The following CPN1 variants were observed in gnomAD, a reference collection of about 807,000 sequenced individuals.
CPN1 encodes carboxypeptidase N catalytic chain.
Under a neutral mutation model 46.4 loss-of-function variants are expected in CPN1, and 37 were observed. The ratio of observed to expected loss-of-function variants is 0.80; its 90% confidence interval spans 0.61 to 1.05. The LOEUF is 1.05. CPN1 is among the 50% of genes least tolerant of loss of function. The pLI is 0.00. For synonymous variants in CPN1, 224 were observed against 235.4 expected (o/e 0.95, Z 0.44); for missense variants, 563 against 602.6 (o/e 0.93, Z 0.69).
chr10:100,056,324 C>G (rs2041384153), intron 6 of CPN1, among the ~76,000 whole-genome samples: 1 of 152,006 alleles, frequency 6.6e-6, no homozygotes, highest in African/African-American at 2.4e-5. Context: ...CCTTTTGTCC[C>G]CTAGATATCT....
At position 100,069,806 on chromosome 10, in the gene CPN1, T is replaced by G; in HGVS notation, c.484A>C (p.Asn162His). 1.9e-6 allele frequency: 3 copies of G among 1,613,946 alleles called. No individual in the cohort carries two copies. The highest frequency in any genetic ancestry group is 2.5e-6 in the Non-Finnish European group (3 of 1,180,008). Reference sequence around the variant, plus strand: ...ATATAGGTATTGAGATCAGGGAAGTTGCGGTTCAGGTCCACTCCATTTGCA... The same window carrying G: ...ATATAGGTATTGAGATCAGGGAAGTGGCGGTTCAGGTCCACTCCATTTGCA... ...NNANGVDLNR[N>H]FPDLNTYIYY... Residue 162 changes from asparagine (N) to histidine (H), a missense_variant, in exon 3 of 9, where the codon AAC becomes CAC. Physicochemically the swap from Asn to His is moderately conservative, Grantham distance 68. Transcript: ENST00000370418.
At chr10:100,052,110 A>T (rs879687074) in intron 7 of CPN1, among the ~76,000 whole-genome samples, 14 of 144,436 alleles carry the variant, frequency 9.7e-5, no homozygotes, top group Non-Finnish European at 2.0e-4. Flanking sequence ...TCACTCTGTC[A>T]CCCAGGCTGG....
chr10:100,048,984 G>A lies in CPN1; in HGVS notation c.1112-108C>T, dbSNP rs1589470309. The stretch of plus-strand genomic sequence containing the variant: ...TGGCTTTTCTTTTTTTTTGAGACGG[G>A]GTCTTGCTCTGTCACCCAGGCTGGA... On this transcript the variant is annotated intron_variant, in intron 7 of 8. Coordinates refer to ENST00000370418, the MANE Select transcript of CPN1 (RefSeq NM_001308.3). 3.7e-6 allele frequency: 3 copies of A among 810,162 alleles called. No homozygotes were observed. In the African/African-American group the frequency reaches 5.1e-5, roughly 14 times the overall value. 50.2% of individuals were successfully genotyped at this position (810,162 alleles called of 1,614,324 possible).
At chr10:100,052,902 C>A (rs1331134220) in intron 7 of CPN1, among the ~76,000 whole-genome samples, 5 of 151,904 alleles carry the variant, frequency 3.3e-5, no homozygotes, top group Non-Finnish European at 5.9e-5. Flanking sequence ...GAGGCTGAGG[C>A]AGAAGAATTG....
chr10:100,071,069 G>A (rs551517448), intron 2 of CPN1, among the ~76,000 whole-genome samples: 7 of 152,236 alleles, frequency 4.6e-5, no homozygotes, highest in African/African-American at 1.7e-4. Context: ...CCCACACTGG[G>A]CATAATGTTT....
chr10:100,070,458 G>A (rs1165165598), intron 2 of CPN1, among the ~76,000 whole-genome samples: 1 of 152,022 alleles, frequency 6.6e-6, no homozygotes, highest in African/African-American at 2.4e-5. Flanking sequence ...CTACAGCCTG[G>A]GTGACAGAGC....
Position 100,042,586 on chromosome 10 carries a change from AAGC to A in CPN1, c.1231-16_1231-14del, listed in dbSNP as rs2041281800. On this transcript the variant is annotated splice_polypyrimidine_tract_variant and intron_variant, in intron 8 of 8. Transcript: ENST00000370418. ...GGTGGAAGTTAACCTGGAAGAAAAA[AAGC>A]AGGAGCTACGAGATCCGTTTGGACC... 6.2e-7 allele frequency: 1 copy of A among 1,613,756 alleles called. No homozygotes were observed. The highest frequency in any genetic ancestry group is 1.3e-5 in the African/African-American group (1 of 74,856).
chr10:100,049,215 T>G (rs996652881), intron 7 of CPN1, among the ~76,000 whole-genome samples: 5 of 151,292 alleles, frequency 3.3e-5, no homozygotes, highest in Admixed American at 3.3e-4. Flanking sequence ...CGCCTCAGCC[T>G]CCCAGTGCTG....
chr10:100,070,421 G>C (rs1393290677), intron 2 of CPN1, among the ~76,000 whole-genome samples: 1 of 152,110 alleles, frequency 6.6e-6, no homozygotes, highest in Non-Finnish European at 1.5e-5. Flanking sequence ...AAGTGAGGTT[G>C]CAATGGGCCA....
At chr10:100,078,488 C>T (rs971933756) in intron 1 of CPN1, among the ~76,000 whole-genome samples, 2 of 152,222 alleles carry the variant, frequency 1.3e-5, no homozygotes, top group African/African-American at 4.8e-5. Context: ...CCTGCAGCTG[C>T]CTAGCCCCTT....
intron 5 of CPN1, among the ~76,000 whole-genome samples, chr10:100,059,688 C>A (rs1369080729): frequency 1.3e-5 from 2 of 151,460 alleles, no homozygotes; most frequent in Non-Finnish European, 2.9e-5. Flanking sequence ...GGTAGTTCCT[C>A]AAAAAAATTA....
chr10:100,052,872 C>A (rs936636643), intron 7 of CPN1, among the ~76,000 whole-genome samples: 4 of 151,790 alleles, frequency 2.6e-5, no homozygotes, highest in African/African-American at 4.8e-5. Context: ...AGAGTGAGAC[C>A]CTGTAATCCA....
intron 5 of CPN1, among the ~76,000 whole-genome samples, chr10:100,058,820 A>G (rs1009689766): frequency 6.6e-6 from 1 of 152,092 alleles, no homozygotes; most frequent in Non-Finnish European, 1.5e-5. Context: ...AATCAAAACA[A>G]TGTGGTACTG....
chr10:100,080,622 C>T lies in CPN1; in HGVS notation c.223+781G>A, dbSNP rs56738374. ...TAAAAAAAGGAATCCAGGCTAAGTG[C>T]GGTGGCTCACGCCTGTAATCCCAAC... On this transcript the variant is annotated intron_variant, in intron 1 of 8. Coordinates refer to ENST00000370418, the MANE Select transcript of CPN1 (RefSeq NM_001308.3). Among the ~76,000 whole-genome samples, 366 of 152,258 alleles carry T rather than the reference C, an allele frequency of 2.4e-3. 1 individual carries two copies. Among genetic ancestry groups the T allele is most frequent in the African/African-American group, 8.5e-3 (353 of 41,532 alleles).
chr10:100,046,038 A>T (rs1447850333), intron 8 of CPN1, among the ~76,000 whole-genome samples: 1 of 152,202 alleles, frequency 6.6e-6, no homozygotes, highest in East Asian at 1.9e-4. Flanking sequence ...CTGAGATCTT[A>T]ATACAACCAA....
At chr10:100,079,855 C>A (rs112817676) in intron 1 of CPN1, among the ~76,000 whole-genome samples, 1 of 152,052 alleles carries the variant, frequency 6.6e-6, no homozygotes, top group Admixed American at 6.6e-5. Flanking sequence ...GAGGCCAAGG[C>A]GGGTGGATCA....
intron 7 of CPN1, among the ~76,000 whole-genome samples, chr10:100,052,355 GC>G (rs1354143541): frequency 1.3e-5 from 2 of 151,974 alleles, no homozygotes; most frequent in Non-Finnish European, 2.9e-5. Flanking sequence ...ACAGGTGTGA[GC>G]CACCGCTCCT....
At chr10:100,048,696 C>A in intron 8 of CPN1, 62 bp downstream of exon 8, 1 of 1,192,248 alleles carries the variant, frequency 8.4e-7, no homozygotes, top group Non-Finnish European at 1.2e-6. Flanking sequence ...AGGACACTGT[C>A]CTCCAAAAAA....
At chr10:100,064,629 C>T (rs1034525692) in intron 4 of CPN1, among the ~76,000 whole-genome samples, 1 of 151,910 alleles carries the variant, frequency 6.6e-6, no homozygotes, top group African/African-American at 2.4e-5. Flanking sequence ...AATTCGTCTG[C>T]CTCGGCCTCC....
Sources: allele counts gnomAD v4.1 joint callset (sites outside exome capture counted in the v4.1 genomes callset), GRCh38; gene constraint gnomAD v4.1.1; transcripts MANE v1.5; gene names NCBI Gene and HGNC (gene_info 2026-07-23, HGNC 2026-07-21).